Variants in DNAH12 observed in about 807,000 individuals in gnomAD.
DNAH12 encodes the protein axonemal beta dynein heavy chain 12.
DNAH12 carries 285 observed loss-of-function variants against 371.5 expected under a neutral mutation model. That is an observed-to-expected ratio of 0.77 (90% CI 0.70 to 0.85). The LOEUF (loss-of-function observed/expected upper bound fraction) is 0.85, where lower values mean the gene tolerates loss of function less well. Ranked by LOEUF, DNAH12 falls within the 40% of genes least tolerant of loss-of-function variation. The probability of loss-of-function intolerance (pLI) is 0.00; values close to 1 mark genes in which losing one functional copy is unlikely to be tolerated. For missense variants in DNAH12, 3,611 were observed against 3,689.4 expected, an observed-to-expected ratio of 0.98 and a Z score of 0.55; for synonymous variants, 1,200 against 1,213.0, an observed-to-expected ratio of 0.99 and a Z score of 0.22.
intron 69 of DNAH12, among the ~76,000 whole-genome samples, chr3:57,304,334 C>T (rs1310322380): frequency 6.6e-6 from 1 of 152,206 alleles, no homozygotes; most frequent in South Asian, 2.1e-4. Context: ...GCTCTTTGCT[C>T]GGTGAGAAAG....
intron 8 of DNAH12, among the ~76,000 whole-genome samples, chr3:57,505,278 C>A (rs1332011288): frequency 7.1e-6 from 1 of 140,370 alleles, no homozygotes; most frequent in Admixed American, 7.4e-5. Flanking sequence ...CTACCTTTCC[C>A]AGCCTCTGGT....
At chr3:57,473,628 T>C (rs2066433892) in intron 13 of DNAH12, among the ~76,000 whole-genome samples, 1 of 151,640 alleles carries the variant, frequency 6.6e-6, no homozygotes, top group South Asian at 2.1e-4. Context: ...TTTTTAAGAA[T>C]TGAAATACAG....
At chr3:57,475,173 T>C (rs1356952156) in intron 13 of DNAH12, among the ~76,000 whole-genome samples, 2 of 152,160 alleles carry the variant, frequency 1.3e-5, no homozygotes, top group African/African-American at 4.8e-5. Context: ...ACTAAACAGC[T>C]TCTAGAAAAG....
chr3:57,360,594 A>G (rs2062903528), intron 58 of DNAH12, among the ~76,000 whole-genome samples: 1 of 152,138 alleles, frequency 6.6e-6, no homozygotes, highest in Non-Finnish European at 1.5e-5. Flanking sequence ...AGGCTGAGGC[A>G]GAAGAATCGC....
intron 60 of DNAH12, among the ~76,000 whole-genome samples, chr3:57,339,320 A>G (rs1388636438): frequency 2.0e-5 from 3 of 151,188 alleles, no homozygotes; most frequent in Admixed American, 6.6e-5. Flanking sequence ...CTCCACTATT[A>G]TCCTATGACC....
In DNAH12 at chr3:57,468,927, C is replaced by A; in HGVS notation, c.2158G>T (p.Val720Leu). 4.6e-6 allele frequency: 7 copies of A among 1,519,232 alleles called. No individual in the cohort carries two copies. Among genetic ancestry groups the A allele is most frequent in the Non-Finnish European group, 6.2e-6 (7 of 1,137,344 alleles). The allele number at this position is 1,519,232 out of a possible 1,614,324, so 94.1% of individuals were successfully genotyped here. A position where few individuals can be genotyped will look rare whatever the true frequency, so the allele number is the denominator to read the frequency against. Reference sequence around the variant, plus strand: ...AAAATTTCTCGGGAAAACTCTTCCACATCAGCCTCCATGCTTTCCCCATTG... The same window carrying A: ...AAAATTTCTCGGGAAAACTCTTCCAAATCAGCCTCCATGCTTTCCCCATTG... Reference protein sequence around the residue: ...DLNGESMEADVEEFSREIFKT... With the variant: ...DLNGESMEADLEEFSREIFKT... Residue 720 changes from valine (V) to leucine (L), a missense_variant, in exon 17 of 74, where the codon GTG (valine) becomes TTG (leucine). Coordinates refer to ENST00000495027, the MANE Select transcript of DNAH12 (RefSeq NM_001366028.2).
intron 60 of DNAH12, among the ~76,000 whole-genome samples, chr3:57,335,920 G>C (rs1244398915): frequency 6.6e-6 from 1 of 152,196 alleles, no homozygotes; most frequent in African/African-American, 2.4e-5. Flanking sequence ...TAGTGGTGAA[G>C]CTAACATAGC....
rs759989524 is a variant in DNAH12, at chr3:57,322,357, G to C, written c.10510C>G (p.Arg3504Gly). ...VSDPEFFKGCRGKELAWEKLL... is the reference protein window; with the variant it reads ...VSDPEFFKGCGGKELAWEKLL... The stretch of plus-strand genomic sequence containing the variant: ...ATGAATATTACCAGTTCCTTTCCAC[G>C]GCATCCCTTGAAAAACTCAGGATCA... Residue 3504 changes from arginine (R) to glycine (G), a missense_variant, in exon 65 of 74, where the codon CGT (arginine) becomes GGT (glycine). Arg to Gly is a moderately radical substitution (Grantham distance 125). This residue lies in a region of DNAH12 where 2,266 missense variants were observed against 2,236.9 expected (regional missense o/e 1.01). Coordinates refer to ENST00000495027, the MANE Select transcript of DNAH12 (RefSeq NM_001366028.2). 5.0e-5 allele frequency: 77 copies of C among 1,550,442 alleles called. No individual in the cohort carries two copies. Among genetic ancestry groups the C allele is most frequent in the Non-Finnish European group, 6.4e-5 (73 of 1,146,456 alleles).
intron 68 of DNAH12, 52 bp from the exon 69 acceptor site, chr3:57,309,306 G>T: frequency 7.3e-7 from 1 of 1,365,686 alleles, no homozygotes. Context: ...TGGATAATTA[G>T]CTTAATTCAG....
chr3:57,406,679 TTTC>T (rs1404762608), intron 40 of DNAH12, among the ~76,000 whole-genome samples: 5 of 152,140 alleles, frequency 3.3e-5, no homozygotes, highest in African/African-American at 4.8e-5. Flanking sequence ...ATGAAATAAT[TTTC>T]TTGTTACTAC....
chr3:57,537,688 G>GTTTT (rs372481977), intron 2 of DNAH12, among the ~76,000 whole-genome samples: 2 of 140,562 alleles, frequency 1.4e-5, no homozygotes, highest in African/African-American at 2.7e-5. Context: ...GTTTCTAAAA[G>GTTTT]TTTTTTTTTT....
At chr3:57,507,575 G>T (rs2067808269) in intron 8 of DNAH12, 68 bp downstream of exon 8, 3 of 1,138,504 alleles carry the variant, frequency 2.6e-6, no homozygotes, top group East Asian at 6.0e-5. Context: ...TGTTTACGTA[G>T]AATTCTATTT....
rs534271621 is a variant in DNAH12, at chr3:57,337,773, C to T, written c.9675-2833G>A. On this transcript the variant is annotated intron_variant, in intron 60 of 73. Coordinates refer to ENST00000495027, the MANE Select transcript of DNAH12 (RefSeq NM_001366028.2). ...GCAGAGGTACACCCCAATACAACAACAGTTGGAGACTTCAACACCCTACTC... is the reference window on the plus strand; with the variant it reads ...GCAGAGGTACACCCCAATACAACAATAGTTGGAGACTTCAACACCCTACTC... Among the ~76,000 whole-genome samples the T allele has an allele frequency of 4.6e-5, 7 of 152,272 alleles. No individual in the cohort carries two copies. In the East Asian group the frequency reaches 1.4e-3, roughly 29 times the overall value.
At chr3:57,377,601 G>A (rs1186475099) in intron 52 of DNAH12, among the ~76,000 whole-genome samples, 1 of 148,104 alleles carries the variant, frequency 6.8e-6, no homozygotes, top group Non-Finnish European at 1.5e-5. Context: ...TGTTTTGGGT[G>A]TTTTTTTTTT....
chr3:57,513,026 C>A (rs1334657252), intron 4 of DNAH12, among the ~76,000 whole-genome samples: 1 of 151,848 alleles, frequency 6.6e-6, no homozygotes, highest in African/African-American at 2.4e-5. Context: ...GTAATTCCAG[C>A]TACTTGGGAG....
chr3:57,539,444 G>A (rs1241227384), intron 2 of DNAH12, among the ~76,000 whole-genome samples: 1 of 152,062 alleles, frequency 6.6e-6, no homozygotes, highest in Non-Finnish European at 1.5e-5. Context: ...ACATTTCAGG[G>A]ATTTCATGCT....
chr3:57,391,706 G>A (rs2063626639), intron 45 of DNAH12, among the ~76,000 whole-genome samples, 166 bp downstream of exon 45: 1 of 152,156 alleles, frequency 6.6e-6, no homozygotes, highest in Admixed American at 6.5e-5. Flanking sequence ...CTCCTTGTGA[G>A]GATCATGTAG....
chr3:57,489,752 T>C (rs1028888456), intron 11 of DNAH12, 65 bp from the exon 12 acceptor site: 2 of 1,388,530 alleles, frequency 1.4e-6, no homozygotes, highest in African/African-American at 1.5e-5. Context: ...TATAATATTG[T>C]ATTGTTATGA....
intron 13 of DNAH12, among the ~76,000 whole-genome samples, chr3:57,478,526 C>G (rs2153382591): frequency 6.6e-6 from 1 of 152,032 alleles, no homozygotes; most frequent in East Asian, 1.9e-4. Flanking sequence ...GAGAACTTCC[C>G]CAACCTAGCA....
Sources: allele counts gnomAD v4.1 joint callset (sites outside exome capture counted in the v4.1 genomes callset), GRCh38; gene constraint gnomAD v4.1.1; regional missense constraint gnomAD v4.1.1; transcripts MANE v1.5; gene names NCBI Gene and HGNC (gene_info 2026-07-23, HGNC 2026-07-21).